SDCBP: variants seen among roughly 807,000 people sequenced by gnomAD.
The protein encoded by SDCBP is syndecan binding protein, also known as syntenin-1.
Under a neutral mutation model 30.5 loss-of-function variants are expected in SDCBP, and 22 were observed. That is an observed-to-expected ratio of 0.72 (90% CI 0.52 to 1.03). SDCBP has a LOEUF of 1.03. Ranked by LOEUF, SDCBP falls within the 50% of genes least tolerant of loss-of-function variation. The pLI, the probability that SDCBP is intolerant of heterozygous loss-of-function variation, is 0.00. For missense variants in SDCBP, 304 were observed against 369.9 expected (o/e 0.82, Z 1.46); for synonymous variants, 103 against 118.7 (o/e 0.87, Z 0.86).
At chr8:58,567,200 T>G (rs543005949) in intron 2 of SDCBP, among the ~76,000 whole-genome samples, 1 of 152,240 alleles carries the variant, frequency 6.6e-6, no homozygotes, top group Non-Finnish European at 1.5e-5. Context: ...TTTACAGTAC[T>G]TAAAATTGGG....
At chr8:58,575,086 CTT>C (rs1001270285) in intron 4 of SDCBP, among the ~76,000 whole-genome samples, 1 of 152,154 alleles carries the variant, frequency 6.6e-6, no homozygotes, top group Non-Finnish European at 1.5e-5. Context: ...GAGTTTGACT[CTT>C]TTCAGATTCC....
rs143194444 is a variant in SDCBP at position 58,577,426 on chromosome 8, T to C, written c.403-607T>C. Among the ~76,000 whole-genome samples, 44 of 152,368 alleles carry C rather than the reference T, an allele frequency of 2.9e-4. No homozygotes were observed. In the East Asian group the frequency reaches 3.8e-3, roughly 13 times the overall value. On this transcript the variant is annotated intron_variant, in intron 5 of 8. Transcript: ENST00000260130. ...CAGTATTTGAGTTTTCTGTATTTAT[T>C]TCATTGTGTGTTCTTTATAAGCCTG... is the stretch of plus-strand genomic sequence containing the variant.
At chr8:58,569,496 G>A (rs1804902611) in intron 2 of SDCBP, among the ~76,000 whole-genome samples, 1 of 152,178 alleles carries the variant, frequency 6.6e-6, no homozygotes, top group South Asian at 2.1e-4. Context: ...CACTGTGCCT[G>A]GCCTAATATT....
intron 4 of SDCBP, among the ~76,000 whole-genome samples, chr8:58,572,800 CTTTTT>C (rs947602204): frequency 1.2e-5 from 1 of 83,156 alleles, no homozygotes; most frequent in South Asian, 4.9e-4. Context: ...TGCTCATAAT[CTTTTT>C]TTTTTTTTTT....
chr8:58,557,203 ATAT>A (rs1428008243), intron 1 of SDCBP, among the ~76,000 whole-genome samples: 3 of 127,032 alleles, frequency 2.4e-5, no homozygotes, highest in East Asian at 4.3e-4. Flanking sequence ...TTATATATTA[ATAT>A]TATATTATTT....
chr8:58,575,982 T>A lies in SDCBP; in HGVS notation c.323T>A (p.Ile108Asn). 1 of 1,613,734 alleles carries A rather than the reference T, an allele frequency of 6.2e-7. No homozygotes were observed. ...GNDVGIRRAE[I>N]KQGIREVILC... ...GATGTTGGAATTCGTAGAGCAGAAATTAAGCAAGGGATTCGTGAAGTCATT... is the reference window on the plus strand; with the variant it reads ...GATGTTGGAATTCGTAGAGCAGAAAATAAGCAAGGGATTCGTGAAGTCATT... The change falls in exon 5 of 9, where the codon ATT becomes AAT. Residue 108 changes from isoleucine (I) to asparagine (N), a missense_variant. By Grantham distance (149) the Ile-to-Asn change is moderately radical (BLOSUM62 -3). Coordinates refer to ENST00000260130, the MANE Select transcript of SDCBP (RefSeq NM_005625.4).
chr8:58,561,227 T>G (rs1416628220), intron 1 of SDCBP: 1 of 151,792 alleles, frequency 6.6e-6, no homozygotes, highest in Non-Finnish European at 1.5e-5. Flanking sequence ...CAGCCTAGAG[T>G]ACTAATGGGA....
intron 7 of SDCBP, among the ~76,000 whole-genome samples, chr8:58,580,194 T>C (rs1264183357): frequency 6.6e-6 from 1 of 152,186 alleles, no homozygotes; most frequent in African/African-American, 2.4e-5. Flanking sequence ...GGTCAAAAAG[T>C]TTTAAGCATG....
intron 4 of SDCBP, among the ~76,000 whole-genome samples, chr8:58,575,449 TACA>T (rs1805262434): frequency 6.6e-6 from 1 of 152,202 alleles, no homozygotes; most frequent in Non-Finnish European, 1.5e-5. Context: ...CCAGTGCCCA[TACA>T]ACATGCACTT....
At chr8:58,561,584 T>G (rs1338992296) in intron 1 of SDCBP, 2 of 428,118 alleles carry the variant, frequency 4.7e-6, no homozygotes, top group Non-Finnish European at 8.4e-6. Flanking sequence ...GAAGAAAAAC[T>G]GCCAGCAAAG....
At chr8:58,556,953 T>C (rs1804151110) in intron 1 of SDCBP, among the ~76,000 whole-genome samples, 1 of 65,634 alleles carries the variant, frequency 1.5e-5, no homozygotes. Context: ...GAATAATATA[T>C]AATGATTTAT....
chr8:58,573,909 C>T (rs1044196878), intron 4 of SDCBP, among the ~76,000 whole-genome samples: 2 of 152,194 alleles, frequency 1.3e-5, no homozygotes, highest in African/African-American at 4.8e-5. Flanking sequence ...ACAACAACAA[C>T]TTTATAGTTT....
intron 3 of SDCBP, 77 bp downstream of exon 3, chr8:58,571,042 AT>A (rs539215306): frequency 4.3e-4 from 470 of 1,104,844 alleles, no homozygotes; most frequent in South Asian, 7.2e-4. Context: ...GGAATCCAAG[AT>A]TTTTTTTTGG....
intron 7 of SDCBP, 93 bp downstream of exon 7, chr8:58,579,887 T>C: frequency 8.1e-7 from 1 of 1,235,296 alleles, no homozygotes; most frequent in Non-Finnish European, 1.1e-6. Flanking sequence ...CATATTGACT[T>C]AGGTGGGAGA....
intron 1 of SDCBP, among the ~76,000 whole-genome samples, chr8:58,559,917 AG>A (rs1804345873): frequency 6.6e-6 from 1 of 152,202 alleles, no homozygotes; most frequent in Non-Finnish European, 1.5e-5. Flanking sequence ...AGGAAACTCC[AG>A]GCTCCTGGTT....
intron 1 of SDCBP, chr8:58,560,941 G>A (rs564810500): frequency 7.7e-4 from 118 of 152,318 alleles, no homozygotes; most frequent in African/African-American, 2.7e-3. Flanking sequence ...CATTATCTCA[G>A]AAGGAATTCA....
At chr8:58,561,885 A>C in intron 1 of SDCBP, 1 of 600,002 alleles carries the variant, frequency 1.7e-6, no homozygotes, top group Middle Eastern at 3.0e-4. Context: ...GCACAACATA[A>C]AAGATGAAAT....
Position 58,571,044 on chromosome 8 carries a change from T to A in SDCBP, c.130+79T>A, listed in dbSNP as rs1237784656. 20 of 1,074,968 alleles carry A rather than the reference T, an allele frequency of 1.9e-5. No individual in the cohort carries two copies. The East Asian group carries it at 4.8e-4, about 26-fold the overall frequency. The allele number at this position is 1,074,968 out of a possible 1,614,324, so 66.6% of individuals were successfully genotyped here. On this transcript the variant is annotated intron_variant, in intron 3 of 8. Coordinates refer to ENST00000260130, the MANE Select transcript of SDCBP (RefSeq NM_005625.4). The stretch of plus-strand genomic sequence containing the variant: ...TTTGCTCATATAAGGAATCCAAGAT[T>A]TTTTTTTGGACAGGCTGCATAAAAT...
chr8:58,562,491 T>C (rs1353932078), intron 1 of SDCBP, among the ~76,000 whole-genome samples: 2 of 152,236 alleles, frequency 1.3e-5, no homozygotes, highest in African/African-American at 2.4e-5. Flanking sequence ...GGTATAAGGA[T>C]AGACATATAG....
Sources: allele counts gnomAD v4.1 joint callset (sites outside exome capture counted in the v4.1 genomes callset), GRCh38; gene constraint gnomAD v4.1.1; transcripts MANE v1.5; gene names NCBI Gene and HGNC (gene_info 2026-07-23, HGNC 2026-07-21).